Variants in BACH1 observed in about 807,000 individuals in gnomAD.
BACH1 encodes BTB domain and CNC homolog 1.
In BACH1, 35 loss-of-function variants were observed where a neutral mutation model predicts 52.9. The observed-to-expected ratio is 0.66, with a 90% CI of 0.51 to 0.88. The LOEUF (loss-of-function observed/expected upper bound fraction) is 0.88, where lower values mean the gene tolerates loss of function less well. BACH1 is among the 40% of genes least tolerant of loss of function. The pLI is 0.00. For synonymous variants in BACH1, 321 were observed against 319.6 expected, an observed-to-expected ratio of 1.00 and a Z score of -0.05; for missense variants, 808 against 872.6, an observed-to-expected ratio of 0.93 and a Z score of 0.93.
At chr21:29,340,078 T>TG (rs1156651013) in intron 4 of BACH1, among the ~76,000 whole-genome samples, 1 of 152,226 alleles carries the variant, frequency 6.6e-6, no homozygotes, top group Non-Finnish European at 1.5e-5. Context: ...GGAAATATAT[T>TG]GTAGGGATAG....
intron 1 of BACH1, among the ~76,000 whole-genome samples, chr21:29,315,823 A>G (rs1034970062): frequency 2.0e-5 from 3 of 152,176 alleles, no homozygotes; most frequent in African/African-American, 7.2e-5. Flanking sequence ...TACTTGAGGC[A>G]TCATTCTCAT....
In BACH1 at chr21:29,312,350, C is replaced by T. The variant is rs142469986; in HGVS notation, c.-60-8871C>T. ...AATCTACAGTTAACATATTTAGTGG[C>T]GAAATACTTAACACTTTCCTTATAT... On this transcript the variant is annotated intron_variant, in intron 1 of 4. Transcript: ENST00000286800. Among the ~76,000 whole-genome samples the T allele has an allele frequency of 2.1e-3, 317 of 152,154 alleles. 1 individual carries two copies. Among genetic ancestry groups the T allele is most frequent in the Non-Finnish European group, 1.4e-3 (93 of 68,018 alleles).
intron 4 of BACH1, among the ~76,000 whole-genome samples, chr21:29,333,013 T>C (rs761707125): frequency 6.6e-6 from 1 of 152,240 alleles, no homozygotes; most frequent in African/African-American, 2.4e-5. Flanking sequence ...TTGAAGTCTC[T>C]ACTCAGTCCT....
chr21:29,354,088 G>A (rs570598893), intron 2 of BACH1, among the ~76,000 whole-genome samples: 16 of 152,328 alleles, frequency 1.1e-4, no homozygotes, highest in Admixed American at 6.5e-5. Context: ...GGGAAGCTGG[G>A]TGAAGAGGAA....
chr21:29,350,915 C>G (rs1030195231), downstream of BACH1, among the ~76,000 whole-genome samples: 1 of 152,188 alleles, frequency 6.6e-6, no homozygotes, highest in Non-Finnish European at 1.5e-5. Context: ...AACTTGCCCT[C>G]TCATCTGCAC....
chr21:29,328,951 A>G (rs919699537), intron 3 of BACH1, among the ~76,000 whole-genome samples: 21 of 152,204 alleles, frequency 1.4e-4, no homozygotes, highest in African/African-American at 4.3e-4. Flanking sequence ...CCGTTCATCC[A>G]TCCATGGACA....
chr21:29,325,087 G>A (rs538057537), intron 2 of BACH1, among the ~76,000 whole-genome samples: 7 of 152,194 alleles, frequency 4.6e-5, no homozygotes, highest in South Asian at 2.1e-4. Flanking sequence ...AAAATTAGCC[G>A]GGCATGGTGG....
At chr21:29,329,415 C>G in intron 3 of BACH1, 72 bp from the exon 4 acceptor site, 1 of 1,237,558 alleles carries the variant, frequency 8.1e-7, no homozygotes, top group Non-Finnish European at 1.1e-6. Flanking sequence ...TAGATGTATA[C>G]CTTCATCTTC....
At position 29,340,609 on chromosome 21, in the gene BACH1, A is replaced by G. The variant is rs577835730; in HGVS notation, c.1777-1790A>G. Reference sequence around the variant, plus strand: ...TATTTAATTTAAAAGACCAACCAGCAGTTGAAAATTTTCTATTGCTGTTTA... The same window carrying G: ...TATTTAATTTAAAAGACCAACCAGCGGTTGAAAATTTTCTATTGCTGTTTA... On this transcript the variant is annotated intron_variant, in intron 4 of 4. Transcript: ENST00000286800. Among the ~76,000 whole-genome samples, 258 of 152,356 alleles carry G rather than the reference A, an allele frequency of 1.7e-3. 1 individual carries two copies. Among genetic ancestry groups the G allele is most frequent in the African/African-American group, 5.8e-3 (240 of 41,582 alleles).
intron 2 of BACH1, chr21:29,351,963 G>T: frequency 3.1e-6 from 1 of 325,684 alleles, no homozygotes; most frequent in East Asian, 7.5e-5. Context: ...TTTAAGCAAT[G>T]ACTCAGTTAC....
chr21:29,321,546 CTACTTT>C, intron 2 of BACH1, 32 bp downstream of exon 2: 1 of 1,578,530 alleles, frequency 6.3e-7, no homozygotes, highest in Non-Finnish European at 8.7e-7. Flanking sequence ...CAATTTTAAT[CTACTTT>C]TACTTAAGTT....
At chr21:29,332,335 T>A (rs1322009822) in intron 4 of BACH1, among the ~76,000 whole-genome samples, 2 of 152,206 alleles carry the variant, frequency 1.3e-5, no homozygotes, top group Non-Finnish European at 2.9e-5. Context: ...AAGGTTCCTT[T>A]CATATGGTCA....
Position 29,326,740 on chromosome 21 carries a change from G to A in BACH1, c.916G>A (p.Val306Met). The A allele has an allele frequency of 1.9e-6, 3 of 1,614,030 alleles. No homozygotes were observed. The highest frequency in any genetic ancestry group is 2.5e-6 in the Non-Finnish European group (3 of 1,180,050). Residue 306 changes from valine (V) to methionine (M), a missense_variant, in exon 3 of 5, where the codon GTG becomes ATG. Physicochemically the swap from Val to Met is conservative, Grantham distance 21. Transcript: ENST00000286800. ...TCAGTGCCCAACTGAAAAATCAGAA[G>A]TGACTCCTTTCCCCCACAATTCTTC... ...ASQCPTEKSE[V>M]TPFPHNSSID...
At position 29,344,189 on chromosome 21, in the gene BACH1, C is replaced by G. The variant is rs1261407891; in HGVS notation, c.*1356C>G. The G allele has an allele frequency of 6.6e-6, 1 of 152,444 alleles. No individual in the cohort carries two copies. Among genetic ancestry groups the G allele is most frequent in the African/African-American group, 2.4e-5 (1 of 41,458 alleles). 9.4% of individuals were successfully genotyped at this position (152,444 alleles called of 1,614,324 possible). A position where few individuals can be genotyped will look rare whatever the true frequency, so the allele number is the denominator to read the frequency against. On this transcript the variant is annotated 3_prime_UTR_variant, in exon 5 of 5. Coordinates refer to ENST00000286800, the MANE Select transcript of BACH1 (RefSeq NM_001186.4). ...CAATTAAAAAAAATGCATATATTCA[C>G]ATTCACAGAAACATTGGCAGAACCC...
chr21:29,326,049 G>A lies in BACH1; in HGVS notation c.235-10G>A, dbSNP rs1460391945. Reference sequence around the variant, plus strand: ...AATGATGTGTTTGTTTTTATTTTGTGTATCAACAGGTGACAGTTAAAGGAT... The same window carrying A: ...AATGATGTGTTTGTTTTTATTTTGTATATCAACAGGTGACAGTTAAAGGAT... On this transcript the variant is annotated splice_polypyrimidine_tract_variant and intron_variant, in intron 2 of 4. Transcript: ENST00000286800. 1.3e-6 allele frequency: 2 copies of A among 1,578,978 alleles called. No individual in the cohort carries two copies. Among genetic ancestry groups the A allele is most frequent in the East Asian group, 4.5e-5 (2 of 44,522 alleles).
downstream of BACH1, chr21:29,346,189 G>A (rs1415724577): frequency 6.6e-6 from 1 of 151,972 alleles, no homozygotes; most frequent in African/African-American, 2.4e-5. Context: ...ACTTCATGTG[G>A]ATTTACTCAG....
downstream of BACH1, among the ~76,000 whole-genome samples, chr21:29,350,710 G>A (rs932555838): frequency 9.2e-5 from 14 of 152,304 alleles, no homozygotes; most frequent in South Asian, 1.7e-3. Context: ...ATCAGCCAGC[G>A]CACTCCATCT....
intron 2 of BACH1, among the ~76,000 whole-genome samples, chr21:29,324,213 CAGAG>C (rs1159583243): frequency 7.8e-6 from 1 of 128,770 alleles, no homozygotes; most frequent in Non-Finnish European, 1.6e-5. Context: ...GCCTGGGTGA[CAGAG>C]AGAGACTCTG....
intron 1 of BACH1, among the ~76,000 whole-genome samples, chr21:29,305,852 T>C (rs1450642787): frequency 4.6e-5 from 7 of 152,254 alleles, no homozygotes; most frequent in Non-Finnish European, 8.8e-5. Flanking sequence ...ATTTAACTTA[T>C]GAAACAAATG....
Sources: allele counts gnomAD v4.1 joint callset (sites outside exome capture counted in the v4.1 genomes callset), GRCh38; gene constraint gnomAD v4.1.1; transcripts MANE v1.5; gene names NCBI Gene and HGNC (gene_info 2026-07-23, HGNC 2026-07-21).